The following SLC20A2 variants were observed in gnomAD, a reference collection of about 807,000 sequenced individuals.
SLC20A2 encodes solute carrier family 20 member 2.
SLC20A2 carries 30 observed loss-of-function variants against 61.0 expected under a neutral mutation model. The ratio of observed to expected loss-of-function variants is 0.49; its 90% CI spans 0.37 to 0.67. The LOEUF is 0.67. Among genes scored for constraint, SLC20A2 ranks in the 30% least tolerant of loss-of-function variants. The pLI is 0.00. For missense variants in SLC20A2, 626 were observed against 866.4 expected (o/e 0.72, Z 3.48); for synonymous variants, 351 against 353.3 (o/e 0.99, Z 0.07).
At chr8:42,528,264 A>G (rs1003742426) in intron 1 of SLC20A2, among the ~76,000 whole-genome samples, 4 of 152,162 alleles carry the variant, frequency 2.6e-5, no homozygotes, top group African/African-American at 9.7e-5. Context: ...GATCGAGACC[A>G]TCCTGGCTAA....
intron 5 of SLC20A2, among the ~76,000 whole-genome samples, chr8:42,459,172 G>T (rs1183108767): frequency 7.1e-6 from 1 of 139,884 alleles, no homozygotes; most frequent in African/African-American, 2.7e-5. Context: ...GGAGGCGGAG[G>T]TTGCAGTTTT....
rs1807760773 is a variant in SLC20A2 at position 42,472,912 on chromosome 8, T to C, written c.-264-258A>G. 6.6e-6 allele frequency among the ~76,000 whole-genome samples: 1 copy of C among 152,232 alleles called. No individual in the cohort carries two copies. Among genetic ancestry groups the C allele is most frequent in the African/African-American group, 2.4e-5 (1 of 41,454 alleles). On this transcript the variant is annotated intron_variant, in intron 1 of 10. Transcript: ENST00000520262. This position sits in a 1 kb window ranked among gnomAD's most constrained non-coding sequence, Gnocchi z 4.1. ...AGACTAATAGTAATCCTTACTAGGTTACATTTTTCATGCAATCGGAAAAAC... is the reference window on the plus strand; with the variant it reads ...AGACTAATAGTAATCCTTACTAGGTCACATTTTTCATGCAATCGGAAAAAC...
intron 1 of SLC20A2, among the ~76,000 whole-genome samples, chr8:42,489,670 C>T (rs1191113949): frequency 6.6e-6 from 1 of 152,172 alleles, no homozygotes; most frequent in East Asian, 1.9e-4. Context: ...CTCAGATTTT[C>T]CCCTTGTTTT....
intron 8 of SLC20A2, among the ~76,000 whole-genome samples, chr8:42,430,721 G>A (rs913987424): frequency 2.6e-5 from 4 of 152,132 alleles, no homozygotes; most frequent in South Asian, 2.1e-4. Context: ...AAGCAAGTCC[G>A]CTGGAGCGAC....
intron 1 of SLC20A2, chr8:42,535,366 G>C (rs1291024772): frequency 4.0e-5 from 6 of 150,612 alleles, no homozygotes; most frequent in African/African-American, 1.2e-4. Flanking sequence ...AAATCAACTA[G>C]ATTAAAAAAA....
intron 1 of SLC20A2, among the ~76,000 whole-genome samples, chr8:42,532,298 T>C (rs761849095): frequency 2.0e-5 from 3 of 152,212 alleles, no homozygotes; most frequent in Non-Finnish European, 4.4e-5. Context: ...CTCAGTCCAA[T>C]TTCTAGAAAT....
chr8:42,516,418 T>C (rs1054018263), intron 1 of SLC20A2, among the ~76,000 whole-genome samples: 1 of 152,228 alleles, frequency 6.6e-6, no homozygotes, highest in Admixed American at 6.5e-5. Flanking sequence ...AGTCCTGTTT[T>C]ATAACCTCTG....
intron 1 of SLC20A2, among the ~76,000 whole-genome samples, chr8:42,474,701 C>T (rs1362311959): frequency 1.3e-5 from 2 of 152,042 alleles, no homozygotes. Flanking sequence ...AGAAATACGG[C>T]GATGAACAAA....
intron 10 of SLC20A2, among the ~76,000 whole-genome samples, 188 bp downstream of exon 10, chr8:42,428,570 C>T (rs1236075453): frequency 2.0e-5 from 3 of 152,240 alleles, no homozygotes; most frequent in Non-Finnish European, 4.4e-5. Context: ...GAGATAGTGT[C>T]GTCCTGCCGA....
At chr8:42,464,464 T>C (rs1806995167) in intron 3 of SLC20A2, among the ~76,000 whole-genome samples, 1 of 151,828 alleles carries the variant, frequency 6.6e-6, no homozygotes, top group Non-Finnish European at 1.5e-5. Flanking sequence ...GGGGCTCACT[T>C]TGAGGCTTCC....
chr8:42,489,438 C>A (rs968151243), intron 1 of SLC20A2, among the ~76,000 whole-genome samples: 7 of 151,168 alleles, frequency 4.6e-5, no homozygotes, highest in Non-Finnish European at 5.9e-5. Context: ...CTGCCCCCCC[C>A]ACCCCGCCCC....
chr8:42,511,814 A>G (rs1400585760), intron 1 of SLC20A2, among the ~76,000 whole-genome samples: 1 of 152,186 alleles, frequency 6.6e-6, no homozygotes, highest in Non-Finnish European at 1.5e-5. Context: ...TCATTTAAAA[A>G]GTACTAAAAA....
intron 5 of SLC20A2, among the ~76,000 whole-genome samples, chr8:42,450,048 G>C (rs1805519046): frequency 6.6e-6 from 1 of 152,066 alleles, no homozygotes; most frequent in Non-Finnish European, 1.5e-5. Flanking sequence ...TATAAATTGA[G>C]CTTTGTCTTT....
intron 5 of SLC20A2, among the ~76,000 whole-genome samples, chr8:42,446,059 G>A (rs1286722073): frequency 2.6e-5 from 4 of 152,170 alleles, no homozygotes; most frequent in Non-Finnish European, 4.4e-5. Flanking sequence ...AGCCTCATGG[G>A]ATGTTCCTGC....
At position 42,430,151 on chromosome 8, in the gene SLC20A2, C is replaced by G. The variant is rs780720351; in HGVS notation, c.1622G>C (p.Gly541Ala). The change falls in exon 9 of 11, where the codon GGA becomes GCA. Residue 541 changes from glycine to alanine, a missense_variant. This residue lies in a region of SLC20A2 where 138 missense variants were observed against 228.7 expected (regional missense o/e 0.60). Transcript: ENST00000520262. ...ATPVWLLFYG[G>A]VGICTGLWVW... ...CCAGAGGCCTGTGCAGATTCCAACT[C>G]CTCCATAAAACAGCAGCCAGACGGG... is the stretch of plus-strand genomic sequence containing the variant. 9 of 1,614,108 alleles carry G rather than the reference C, an allele frequency of 5.6e-6. No individual in the cohort carries two copies. Among genetic ancestry groups the G allele is most frequent in the Non-Finnish European group, 7.6e-6 (9 of 1,179,998 alleles).
chr8:42,434,344 C>T (rs1804081992), intron 8 of SLC20A2, among the ~76,000 whole-genome samples: 1 of 151,894 alleles, frequency 6.6e-6, no homozygotes, highest in Admixed American at 6.6e-5. Flanking sequence ...GCCTCGGCCT[C>T]CCGAAGTGTT....
chr8:42,493,672 G>A (rs1417434876), intron 1 of SLC20A2, among the ~76,000 whole-genome samples: 1 of 152,146 alleles, frequency 6.6e-6, no homozygotes, highest in East Asian at 1.9e-4. Context: ...TCAGATTATA[G>A]AGTTTGTTAA....
chr8:42,459,992 C>T lies in SLC20A2; in HGVS notation c.517G>A (p.Glu173Lys), dbSNP rs773828113. The T allele has an allele frequency of 1.3e-6, 2 of 1,587,614 alleles. No homozygotes were observed. Among genetic ancestry groups the T allele is most frequent in the Non-Finnish European group, 1.7e-6 (2 of 1,156,686 alleles). Reference protein sequence around the residue: ...VLIRIFILKKEDPVPNGLRAL... With the variant: ...VLIRIFILKKKDPVPNGLRAL... ...CGGAGGCCATTGGGAACAGGGTCTTCCTGTAGGAAGACAAGGAGACAGAGT... is the reference window on the plus strand; with the variant it reads ...CGGAGGCCATTGGGAACAGGGTCTTTCTGTAGGAAGACAAGGAGACAGAGT... Residue 173 changes from glutamate (E) to lysine (K), a missense_variant and splice_region_variant, in exon 5 of 11, where the codon GAA becomes AAA. Physicochemically the swap from Glu to Lys is moderately conservative, Grantham distance 56. Coordinates refer to ENST00000520262, the MANE Select transcript of SLC20A2 (RefSeq NM_001257180.2).
intron 1 of SLC20A2, among the ~76,000 whole-genome samples, chr8:42,522,951 C>G (rs1272044156): frequency 1.3e-5 from 2 of 150,640 alleles, no homozygotes; most frequent in East Asian, 3.9e-4. Flanking sequence ...TCTTGAACTC[C>G]TGGCCTCAAG....
Sources: gnomAD v4.1 joint callset for allele counts (sites outside exome capture counted in the v4.1 genomes callset) on GRCh38, gnomAD v4.1.1 for gene constraint, gnomAD v4.1.1 regional missense constraint, Gnocchi (gnomAD v3.1) non-coding constraint, MANE v1.5 for transcripts, NCBI Gene and HGNC (gene_info 2026-07-23, HGNC 2026-07-21) for gene names.